MASP2: variants seen among roughly 807,000 people sequenced by gnomAD.
The protein encoded by MASP2 is MBL associated serine protease 2, also known as mannan-binding lectin serine protease 2.
Under a neutral mutation model 57.1 loss-of-function variants are expected in MASP2, and 49 were observed. That is an observed-to-expected ratio of 0.86 (90% CI 0.68 to 1.09). MASP2 has a LOEUF of 1.09. Among genes scored for constraint, MASP2 ranks in the 50% least tolerant of loss-of-function variants. The probability of loss-of-function intolerance (pLI) is 0.00; values close to 1 mark genes in which losing one functional copy is unlikely to be tolerated. For synonymous variants in MASP2, 379 were observed against 340.8 expected, an observed-to-expected ratio of 1.11 and a Z score of -1.24; for missense variants, 900 against 874.8, an observed-to-expected ratio of 1.03 and a Z score of -0.36.
chr1:11,033,858 G>A (rs1442677342), intron 8 of MASP2, among the ~76,000 whole-genome samples: 3 of 149,614 alleles, frequency 2.0e-5, no homozygotes, highest in Non-Finnish European at 3.0e-5. Context: ...TCTTGAACCC[G>A]GGAGGCAGAG....
intron 6 of MASP2, among the ~76,000 whole-genome samples, chr1:11,041,104 TA>T (rs1638414360): frequency 7.4e-6 from 1 of 135,084 alleles, no homozygotes. Flanking sequence ...GAAGGATGGA[TA>T]GATGGATGGA....
At chr1:11,037,864 G>A (rs1638302111) in intron 6 of MASP2, 53 bp from the exon 7 acceptor site, 3 of 1,020,632 alleles carry the variant, frequency 2.9e-6, no homozygotes, top group Non-Finnish European at 4.4e-6. Context: ...CAGCAGCCAA[G>A]ACTGAATCGA....
At chr1:11,030,384 A>G (rs990762959) in intron 9 of MASP2, 134 bp from the exon 10 acceptor site, 4 of 639,462 alleles carry the variant, frequency 6.3e-6, no homozygotes. Context: ...ACCATTTTAC[A>G]TGATTTCATA....
At chr1:11,043,245 G>A (rs903372062) in intron 5 of MASP2, 94 bp downstream of exon 5, 13 of 1,196,972 alleles carry the variant, frequency 1.1e-5, no homozygotes, top group East Asian at 5.0e-5. Flanking sequence ...CGAGGGTGAC[G>A]GGAACGTGGT....
At chr1:11,036,401 G>A (rs1638229239) in intron 7 of MASP2, among the ~76,000 whole-genome samples, 1 of 149,784 alleles carries the variant, frequency 6.7e-6, no homozygotes, top group Non-Finnish European at 1.5e-5. Flanking sequence ...CTACTCGGGA[G>A]GCTGAGGCAG....
intron 8 of MASP2, among the ~76,000 whole-genome samples, chr1:11,031,334 T>C (rs1055484088): frequency 1.3e-5 from 2 of 150,640 alleles, no homozygotes; most frequent in Non-Finnish European, 3.0e-5. Flanking sequence ...CCATCCTGGC[T>C]AACACGGTGA....
intron 3 of MASP2, 53 bp downstream of exon 3, chr1:11,046,502 AC>A (rs1638641435): frequency 1.9e-6 from 3 of 1,599,136 alleles, no homozygotes; most frequent in East Asian, 2.2e-5. Flanking sequence ...AGACAGAGTT[AC>A]CCCCACAGCC....
chr1:11,037,777 A>AT lies in MASP2; in HGVS notation c.923dup (p.Asn308LysfsTer26). On this transcript the variant is annotated frameshift_variant, in exon 7 of 11. Transcript: ENST00000400897. LOFTEE classifies it high-confidence loss of function. ...TGGCTTGCACAGGTGAAACGTGGCC[A>AT]TTAGGTGGCGCCATCGGATAAGGGC... 6.2e-7 allele frequency: 1 copy of AT among 1,612,968 alleles called. No homozygotes were observed. The highest frequency in any genetic ancestry group is 1.7e-4 in the Middle Eastern group (1 of 6,058).
chr1:11,036,522 A>C (rs1262206332), intron 7 of MASP2, among the ~76,000 whole-genome samples: 87 of 129,814 alleles, frequency 6.7e-4, no homozygotes, highest in African/African-American at 2.9e-3. Context: ...AAAAAAAAAA[A>C]AAAAAAAAAA....
At chr1:11,031,983 C>G (rs560543705) in intron 8 of MASP2, among the ~76,000 whole-genome samples, 2 of 152,254 alleles carry the variant, frequency 1.3e-5, no homozygotes, top group African/African-American at 4.8e-5. Context: ...GGAAGTCTTT[C>G]TAAAGCTCAC....
chr1:11,040,281 C>T (rs530011766), intron 6 of MASP2, among the ~76,000 whole-genome samples: 3 of 152,064 alleles, frequency 2.0e-5, no homozygotes, highest in Admixed American at 2.0e-4. Context: ...CCATTCTGTC[C>T]AACATGGTGA....
chr1:11,027,318 A>G lies in MASP2; in HGVS notation c.1628T>C (p.Val543Ala), dbSNP rs762134055. The change falls in exon 11 of 11, where the codon GTA becomes GCA. Residue 543 changes from valine to alanine, a missense_variant. By Grantham distance (64) the Val-to-Ala change is moderately conservative. Transcript: ENST00000400897. Reference protein sequence around the residue: ...IALIKLNNKVVINSNITPICL... With the variant: ...IALIKLNNKVAINSNITPICL... ...AATAGGCGTGATGTTGCTATTGATTACAACTTTGTTATTCAATTTAATCAG... is the reference window on the plus strand; with the variant it reads ...AATAGGCGTGATGTTGCTATTGATTGCAACTTTGTTATTCAATTTAATCAG... 3 of 1,614,068 alleles carry G rather than the reference A, an allele frequency of 1.9e-6. No homozygotes were observed. The highest frequency in any genetic ancestry group is 2.5e-6 in the Non-Finnish European group (3 of 1,179,924).
At chr1:11,031,273 C>T (rs998708485) in intron 8 of MASP2, among the ~76,000 whole-genome samples, 36 of 148,860 alleles carry the variant, frequency 2.4e-4, no homozygotes, top group Middle Eastern at 3.5e-3. Context: ...CCTGTAATCC[C>T]GGCACTTTGG....
chr1:11,037,844 A>G, intron 6 of MASP2, 33 bp from the exon 7 acceptor site: 2 of 1,362,490 alleles, frequency 1.5e-6, no homozygotes, highest in African/African-American at 1.4e-5. Context: ...GTTGGTTTTC[A>G]TGTGGTCTAC....
At position 11,034,310 on chromosome 1, in the gene MASP2, G is replaced by A. The variant is rs909315394; in HGVS notation, c.1087+518C>T. On this transcript the variant is annotated intron_variant, in intron 8 of 10. Coordinates refer to ENST00000400897, the MANE Select transcript of MASP2 (RefSeq NM_006610.4). ...CTAAAGCACATACCTTCCCTAGTAG[G>A]TTGGTTCTGTTTTAACCTCTAAGAA... Among the ~76,000 whole-genome samples, 10 of 151,356 alleles carry A rather than the reference G, an allele frequency of 6.6e-5. No individual in the cohort carries two copies. In the South Asian group the frequency reaches 1.3e-3, roughly 19 times the overall value.
chr1:11,043,832 G>A (rs1638540839), intron 4 of MASP2, among the ~76,000 whole-genome samples: 1 of 152,000 alleles, frequency 6.6e-6, no homozygotes, highest in Non-Finnish European at 1.5e-5. Context: ...CACACCCCCA[G>A]GGAGCGTGGT....
intron 2 of MASP2, 44 bp downstream of exon 2, chr1:11,046,846 AC>A (rs1248265992): frequency 3.2e-6 from 5 of 1,547,208 alleles, no homozygotes; most frequent in Non-Finnish European, 2.6e-6. Flanking sequence ...CTCCTTGGGG[AC>A]CCCCCGACCC....
At chr1:11,044,665 G>T in intron 4 of MASP2, 1 of 833,526 alleles carries the variant, frequency 1.2e-6, no homozygotes, top group Non-Finnish European at 1.8e-6. Context: ...GGGGGGTGAG[G>T]CCAAGGAGCC....
intron 7 of MASP2, among the ~76,000 whole-genome samples, chr1:11,037,198 G>A (rs1423296940): frequency 6.6e-6 from 1 of 151,830 alleles, no homozygotes; most frequent in Non-Finnish European, 1.5e-5. Flanking sequence ...GATTACAGGC[G>A]CCCGCCACCT....
Sources: gnomAD v4.1 joint callset for allele counts (sites outside exome capture counted in the v4.1 genomes callset) on GRCh38, gnomAD v4.1.1 for gene constraint, MANE v1.5 for transcripts, NCBI Gene and HGNC (gene_info 2026-07-23, HGNC 2026-07-21) for gene names.